ADGRG3: variants seen among roughly 807,000 people sequenced by gnomAD.
The protein encoded by ADGRG3 is adhesion G protein-coupled receptor G3.
A neutral mutation model predicts 54.3 loss-of-function variants in ADGRG3; 39 were observed. That is an observed-to-expected ratio of 0.72 (90% CI 0.56 to 0.94). ADGRG3 has a LOEUF of 0.94. ADGRG3 is among the 40% of genes least tolerant of loss of function. The pLI is 0.00. For synonymous variants in ADGRG3, 312 were observed against 290.0 expected (o/e 1.08, Z -0.77); for missense variants, 654 against 694.6 (o/e 0.94, Z 0.66).
intron 1 of ADGRG3, 116 bp downstream of exon 1, chr16:57,668,521 G>A: frequency 5.1e-6 from 5 of 988,740 alleles, no homozygotes; most frequent in Non-Finnish European, 6.1e-6. Context: ...GGGTGTCTGG[G>A]ATGTGTCCTC....
rs961680388 is a variant in ADGRG3, at chr16:57,679,296, C to T, written c.612C>T (p.His204=). 1 of 1,613,766 alleles carries T rather than the reference C, an allele frequency of 6.2e-7. No homozygotes were observed. Among genetic ancestry groups the T allele is most frequent in the African/African-American group, 1.3e-5 (1 of 74,886 alleles). The change falls in exon 5 of 12, where the codon CAC becomes CAT. Residue 204 remains histidine (H), a synonymous_variant. Coordinates refer to ENST00000333493, the MANE Select transcript of ADGRG3 (RefSeq NM_170776.5). ...AGCCTCTGGAGATCGTCTTCTCTCA[C>T]CAGCGACCGCCCCCTGTGAGTCCCC... The part of the protein sequence containing the change: ...LAEPLEIVFS[H]QRPPPNMTLT...
intron 1 of ADGRG3, among the ~76,000 whole-genome samples, chr16:57,669,910 G>A (rs764446692): frequency 1.2e-4 from 18 of 152,300 alleles, no homozygotes; most frequent in Non-Finnish European, 2.4e-4. Flanking sequence ...TGCGGGCAGG[G>A]CACGGGGAGC....
intron 2 of ADGRG3, among the ~76,000 whole-genome samples, chr16:57,675,012 AAGCAGCAGC>A (rs1555569015): frequency 4.2e-4 from 48 of 115,336 alleles, no homozygotes; most frequent in Non-Finnish European, 7.3e-4. Context: ...AAAAAAAAAA[AAGCAGCAGC>A]AGCAGCAGCA....
chr16:57,668,200 T>C, upstream of ADGRG3: 2 of 648,866 alleles, frequency 3.1e-6, no homozygotes, highest in Non-Finnish European at 5.3e-6. Context: ...ACCCAACCAA[T>C]GGCGCCATCG....
Position 57,688,501 on chromosome 16 carries a change from C to G in ADGRG3, c.*40C>G. 1.7e-6 allele frequency: 2 copies of G among 1,177,228 alleles called. No individual in the cohort carries two copies. The highest frequency in any genetic ancestry group is 2.6e-6 in the Non-Finnish European group (2 of 781,532). 72.9% of individuals were successfully genotyped at this position (1,177,228 alleles called of 1,614,324 possible). A position where few individuals can be genotyped will look rare whatever the true frequency, so the allele number is the denominator to read the frequency against. ...GCAATATGGACTCAGCTCTGGCTCT[C>G]TGTGTGACCTTGGGCAGCTCCGTGC... On this transcript the variant is annotated 3_prime_UTR_variant, in exon 12 of 12. Coordinates refer to ENST00000333493, the MANE Select transcript of ADGRG3 (RefSeq NM_170776.5).
At chr16:57,688,039 A>C (rs568653017) in intron 11 of ADGRG3, among the ~76,000 whole-genome samples, 52 of 152,280 alleles carry the variant, frequency 3.4e-4, no homozygotes, top group African/African-American at 1.2e-3. Context: ...AGTGCCTCCC[A>C]TAATAATCCT....
rs1469897328 is a variant in ADGRG3 at position 57,678,315 on chromosome 16, A to C, written c.491A>C (p.Lys164Thr). 1 of 1,614,150 alleles carries C rather than the reference A, an allele frequency of 6.2e-7. No homozygotes were observed. Among genetic ancestry groups the C allele is most frequent in the East Asian group, 2.2e-5 (1 of 44,886 alleles). Reference protein sequence around the residue: ...ILDIGPGTLFKGPRLGLGDGS... With the variant: ...ILDIGPGTLFTGPRLGLGDGS... Reference sequence around the variant, plus strand: ...GACATTGGTCCAGGGACTCTCTTCAAGGTGAGGACTCAGGGAAGCTCCAAG... The same window carrying C: ...GACATTGGTCCAGGGACTCTCTTCACGGTGAGGACTCAGGGAAGCTCCAAG... The change falls in exon 4 of 12, where the codon AAG (lysine) becomes ACG (threonine). Residue 164 changes from lysine to threonine, a missense_variant and splice_region_variant. By Grantham distance (78) the Lys-to-Thr change is moderately conservative. Coordinates refer to ENST00000333493, the MANE Select transcript of ADGRG3 (RefSeq NM_170776.5).
intron 2 of ADGRG3, among the ~76,000 whole-genome samples, chr16:57,674,995 C>CAAAAAAAAA (rs34536208): frequency 2.0e-5 from 1 of 48,938 alleles, no homozygotes. Context: ...GACTCCATCT[C>CAAAAAAAAA]AAAAAAAAAA....
chr16:57,684,481 G>A lies in ADGRG3; in HGVS notation c.1254G>A (p.Glu418=). 1 of 1,611,754 alleles carries A rather than the reference G, an allele frequency of 6.2e-7. No homozygotes were observed. The highest frequency in any genetic ancestry group is 8.5e-7 in the Non-Finnish European group (1 of 1,178,100). ...IRDRENRTSL[E]LCWFREGTTM... ...ATAGGGAGAACCGCACCTCTCTGGAGCTGTGAGTGGCGGCTGTGGGAGCAG... is the reference window on the plus strand; with the variant it reads ...ATAGGGAGAACCGCACCTCTCTGGAACTGTGAGTGGCGGCTGTGGGAGCAG... The change falls in exon 10 of 12, where the codon GAG becomes GAA. Residue 418 remains glutamate (E), a splice_region_variant and synonymous_variant. Coordinates refer to ENST00000333493, the MANE Select transcript of ADGRG3 (RefSeq NM_170776.5).
At chr16:57,684,715 G>A (rs1398227126) in intron 10 of ADGRG3, among the ~76,000 whole-genome samples, 1 of 152,208 alleles carries the variant, frequency 6.6e-6, no homozygotes, top group Non-Finnish European at 1.5e-5. Context: ...AGGGAGAACT[G>A]GACCAGGAGG....
At chr16:57,679,133 T>C in intron 4 of ADGRG3, 44 bp from the exon 5 acceptor site, 8 of 1,610,118 alleles carry the variant, frequency 5.0e-6, no homozygotes, top group Non-Finnish European at 6.8e-6. Flanking sequence ...TGGGTTGGGA[T>C]GGCCCCTTCT....
chr16:57,678,308 C>T lies in ADGRG3; in HGVS notation c.484C>T (p.Leu162Phe), dbSNP rs1182447128. Residue 162 changes from leucine to phenylalanine, a missense_variant, in exon 4 of 12, where the codon CTC becomes TTC. Coordinates refer to ENST00000333493, the MANE Select transcript of ADGRG3 (RefSeq NM_170776.5). The part of the protein sequence containing the change: ...VTILDIGPGT[L>F]FKGPRLGLGD... ...CATTCTGGACATTGGTCCAGGGACT[C>T]TCTTCAAGGTGAGGACTCAGGGAAG... is the stretch of plus-strand genomic sequence containing the variant. 1.2e-6 allele frequency: 2 copies of T among 1,614,192 alleles called. No individual in the cohort carries two copies. The highest frequency in any genetic ancestry group is 1.7e-6 in the Non-Finnish European group (2 of 1,180,006).
At chr16:57,674,485 G>A (rs1249262546) in intron 2 of ADGRG3, 7 of 393,624 alleles carry the variant, frequency 1.8e-5, no homozygotes. Context: ...ATGTGTTAAA[G>A]GAATGAGTTA....
chr16:57,668,429 C>T (rs948886875), intron 1 of ADGRG3, 24 bp downstream of exon 1: 1 of 1,552,746 alleles, frequency 6.4e-7, no homozygotes, highest in East Asian at 2.3e-5. Flanking sequence ...ACCTCATCCC[C>T]TCCTGCCACG....
chr16:57,681,381 C>T (rs563340775), intron 8 of ADGRG3, among the ~76,000 whole-genome samples: 3,295 of 90,830 alleles, frequency 0.036, 123 homozygotes, highest in African/African-American at 0.14. Context: ...TGTGTGCGCG[C>T]GTGCGTGCGC....
chr16:57,677,900 A>G (rs1438463214), intron 3 of ADGRG3, among the ~76,000 whole-genome samples: 2 of 152,206 alleles, frequency 1.3e-5, no homozygotes, highest in Non-Finnish European at 2.9e-5. Flanking sequence ...CAGCTTGCCC[A>G]GGCATCAGGT....
intron 2 of ADGRG3, among the ~76,000 whole-genome samples, chr16:57,675,016 AGCAGC>A (rs1567853509): frequency 1.4e-5 from 2 of 141,304 alleles, no homozygotes. Context: ...AAAAAAAAGC[AGCAGC>A]AGCAGCAGCA....
upstream of ADGRG3, among the ~76,000 whole-genome samples, chr16:57,665,874 G>A (rs2048043390): frequency 6.6e-6 from 1 of 152,218 alleles, no homozygotes; most frequent in African/African-American, 2.4e-5. Flanking sequence ...TAGACTGGCA[G>A]TGCCCTCTGA....
At chr16:57,682,481 C>G (rs1022755734) in intron 8 of ADGRG3, 33 of 985,344 alleles carry the variant, frequency 3.3e-5, no homozygotes, top group Middle Eastern at 5.2e-4. Flanking sequence ...CCCCACCCTC[C>G]AAGCCCTGGC....
Sources: gnomAD v4.1 joint callset for allele counts (sites outside exome capture counted in the v4.1 genomes callset) on GRCh38, gnomAD v4.1.1 for gene constraint, MANE v1.5 for transcripts, NCBI Gene and HGNC (gene_info 2026-07-23, HGNC 2026-07-21) for gene names.